FAM221A: variants seen among roughly 807,000 people sequenced by gnomAD.
FAM221A encodes protein FAM221A.
Under a neutral mutation model 37.6 loss-of-function variants are expected in FAM221A, and 43 were observed. That is an observed-to-expected ratio of 1.15 (90% confidence interval 0.90 to 1.48). The LOEUF is 1.48. Ranked by LOEUF, FAM221A falls within the 40% of genes most tolerant of loss-of-function variation. The pLI is 0.00. For synonymous variants in FAM221A, 135 were observed against 132.9 expected, an observed-to-expected ratio of 1.02 and a Z score of -0.11; for missense variants, 361 against 361.5, an observed-to-expected ratio of 1.00 and a Z score of 0.01.
chr7:23,681,517 T>A (rs1280695586), intron 1 of FAM221A, among the ~76,000 whole-genome samples: 1 of 152,144 alleles, frequency 6.6e-6, no homozygotes, highest in East Asian at 1.9e-4. Flanking sequence ...CTTCCTGGGT[T>A]CAAGTGATTC....
chr7:23,681,941 TTCGGTGGGAG>T (rs1459024703), intron 1 of FAM221A, among the ~76,000 whole-genome samples: 4 of 152,124 alleles, frequency 2.6e-5, no homozygotes, highest in Non-Finnish European at 5.9e-5. Flanking sequence ...GCCTAGGTAC[TTCGGTGGGAG>T]TCGGTTGGGA....
intron 2 of FAM221A, chr7:23,686,185 C>T: frequency 3.1e-6 from 1 of 318,048 alleles, no homozygotes. Flanking sequence ...ATAATTTATT[C>T]TTACACAAAT....
At chr7:23,685,417 G>A (rs1784312890) in intron 2 of FAM221A, among the ~76,000 whole-genome samples, 1 of 152,182 alleles carries the variant, frequency 6.6e-6, no homozygotes, top group Non-Finnish European at 1.5e-5. Context: ...CTTGCCATTG[G>A]TAAAAATGTT....
Position 23,691,555 on chromosome 7 carries a change from C to T in FAM221A, c.596C>T (p.Ser199Leu), listed in dbSNP as rs142182766. ...ATGGGAGGATTAACTGGTTTCAGCTCGCTGGCGGAAGGCTACATGCGGTTA... is the reference window on the plus strand; with the variant it reads ...ATGGGAGGATTAACTGGTTTCAGCTTGCTGGCGGAAGGCTACATGCGGTTA... The part of the protein sequence containing the change: ...AAMGGLTGFS[S>L]LAEGYMRLDD... The change falls in exon 4 of 7, where the codon TCG becomes TTG. Residue 199 changes from serine to leucine, a missense_variant. By Grantham distance (145) the Ser-to-Leu change is moderately radical (BLOSUM62 -2). Transcript: ENST00000344962. 1,195 of 1,614,094 alleles carry T rather than the reference C, an allele frequency of 7.4e-4. 4 individuals are homozygous for T. The African/African-American group carries it at 0.012, about 17-fold the overall frequency.
chr7:23,690,199 A>ATATATATATATATATATATT (rs774313037), intron 3 of FAM221A, among the ~76,000 whole-genome samples: 6 of 48,738 alleles, frequency 1.2e-4, no homozygotes, highest in Non-Finnish European at 2.2e-4. Flanking sequence ...ATATATATAT[A>ATATATATATATATATATATT]TTTTTTTTTT....
chr7:23,701,302 C>G (rs1325564129), intron 6 of FAM221A, among the ~76,000 whole-genome samples: 42 of 141,804 alleles, frequency 3.0e-4, no homozygotes, highest in Non-Finnish European at 5.7e-4. Context: ...TGCAGTGGCG[C>G]GATCTCGGCT....
chr7:23,691,497 A>G lies in FAM221A; in HGVS notation c.538A>G (p.Lys180Glu). 1 of 1,614,238 alleles carries G rather than the reference A, an allele frequency of 6.2e-7. No individual in the cohort carries two copies. The highest frequency in any genetic ancestry group is 1.1e-5 in the South Asian group (1 of 91,090). The stretch of plus-strand genomic sequence containing the variant: ...TAAGCAAGAAAGATTGGCTCAGGAA[A>G]AACCAGTGGGACAGGACATTCCTTA... ...ETKQERLAQE[K>E]PVGQDIPYAA... The change falls in exon 4 of 7, where the codon AAA (lysine) becomes GAA (glutamate). Residue 180 changes from lysine (K) to glutamate (E), a missense_variant. By Grantham distance (56) the Lys-to-Glu change is moderately conservative. Transcript: ENST00000344962.
chr7:23,690,197 A>ATTTT (rs1429439145), intron 3 of FAM221A, among the ~76,000 whole-genome samples: 25 of 36,424 alleles, frequency 6.9e-4, no homozygotes, highest in Non-Finnish European at 9.4e-4. Flanking sequence ...ATATATATAT[A>ATTTT]TATTTTTTTT....
In FAM221A at chr7:23,702,243, C is replaced by G. The variant is rs1337416440; in HGVS notation, c.*79C>G. 1 of 902,662 alleles carries G rather than the reference C, an allele frequency of 1.1e-6. No homozygotes were observed. Among genetic ancestry groups the G allele is most frequent in the African/African-American group, 1.8e-5 (1 of 57,048 alleles). 55.9% of individuals were successfully genotyped at this position (902,662 alleles called of 1,614,324 possible). On this transcript the variant is annotated 3_prime_UTR_variant, in exon 7 of 7. Coordinates refer to ENST00000344962, the MANE Select transcript of FAM221A (RefSeq NM_199136.5). ...AAATGTAATAATACAGTTTATTTTT[C>G]CTGAAATTATTTACTTTTTTTTTTT... is the stretch of plus-strand genomic sequence containing the variant.
chr7:23,697,754 C>G (rs1170235997), intron 4 of FAM221A, among the ~76,000 whole-genome samples: 2 of 152,052 alleles, frequency 1.3e-5, no homozygotes, highest in Admixed American at 1.3e-4. Flanking sequence ...ATATGTCAGA[C>G]AAAAATCTAA....
intron 4 of FAM221A, among the ~76,000 whole-genome samples, chr7:23,691,916 A>T (rs1784776771): frequency 6.6e-6 from 1 of 152,314 alleles, no homozygotes; most frequent in East Asian, 1.9e-4. Flanking sequence ...CACTGTTTGT[A>T]ATAGCTGAAT....
chr7:23,695,797 G>T (rs1785023083), intron 4 of FAM221A, among the ~76,000 whole-genome samples: 1 of 152,016 alleles, frequency 6.6e-6, no homozygotes, highest in African/African-American at 2.4e-5. Context: ...TTATTACTTA[G>T]AGTTTTTACT....
rs773804975 is a variant in FAM221A at position 23,691,530 on chromosome 7, ATGGGAGGATTAACTGGTTTCAGCTCGC to A, written c.575_601del (p.Gly192_Leu200del). 1 of 1,614,106 alleles carries A rather than the reference ATGGGAGGATTAACTGGTTTCAGCTCGC, an allele frequency of 6.2e-7. No individual in the cohort carries two copies. Among genetic ancestry groups the A allele is most frequent in the African/African-American group, 1.3e-5 (1 of 74,938 alleles). On this transcript the variant is annotated inframe_deletion, in exon 4 of 7. Transcript: ENST00000344962. ...GGGACAGGACATTCCTTATGCAGCC[ATGGGAGGATTAACTGGTTTCAGCTCGC>A]TGGCGGAAGGCTACATGCGGTTAGA...
chr7:23,688,881 C>A (rs1784535842), intron 2 of FAM221A: 1 of 154,196 alleles, frequency 6.5e-6, no homozygotes, highest in South Asian at 2.0e-4. Context: ...GGTGATCCGC[C>A]CGCCTCAGCC....
chr7:23,699,501 C>T (rs960908033), intron 5 of FAM221A, among the ~76,000 whole-genome samples: 2 of 147,834 alleles, frequency 1.4e-5, no homozygotes, highest in Non-Finnish European at 3.0e-5. Flanking sequence ...GCAAATACAG[C>T]AGACAGTTGC....
intron 1 of FAM221A, among the ~76,000 whole-genome samples, chr7:23,684,281 A>G (rs1232224159): frequency 6.9e-6 from 1 of 145,176 alleles, no homozygotes; most frequent in Non-Finnish European, 1.5e-5. Context: ...CAGCCTTTGT[A>G]TAAGGACCCT....
intron 4 of FAM221A, among the ~76,000 whole-genome samples, chr7:23,697,148 C>T (rs572626866): frequency 1.5e-4 from 23 of 152,290 alleles, no homozygotes; most frequent in Admixed American, 1.3e-3. Flanking sequence ...CACATGCAGC[C>T]GCCAGAGGGC....
chr7:23,693,966 A>G (rs982065835), intron 4 of FAM221A: 4 of 152,096 alleles, frequency 2.6e-5, no homozygotes, highest in African/African-American at 9.7e-5. Flanking sequence ...TGCATTAGCT[A>G]TTTGTCCTAA....
intron 3 of FAM221A, 51 bp from the exon 4 acceptor site, chr7:23,691,339 T>C: frequency 6.4e-7 from 1 of 1,573,218 alleles, no homozygotes; most frequent in Non-Finnish European, 8.7e-7. Flanking sequence ...GTCTTTAGGG[T>C]AGACAACATA....
Sources: gnomAD v4.1 joint callset for allele counts (sites outside exome capture counted in the v4.1 genomes callset) on GRCh38, gnomAD v4.1.1 for gene constraint, MANE v1.5 for transcripts, NCBI Gene and HGNC (gene_info 2026-07-23, HGNC 2026-07-21) for gene names.